ATAD3C: variants seen among roughly 807,000 people sequenced by gnomAD.
ATAD3C encodes ATPase family AAA domain containing 3C.
Under a neutral mutation model 46.3 loss-of-function variants are expected in ATAD3C, and 38 were observed. The observed-to-expected ratio is 0.82, with a 90% CI of 0.63 to 1.08. ATAD3C has a LOEUF of 1.08. ATAD3C is among the 50% of genes least tolerant of loss of function. ATAD3C has a pLI of 0.00. For missense variants in ATAD3C, 563 were observed against 572.7 expected, an observed-to-expected ratio of 0.98 and a Z score of 0.17; for synonymous variants, 220 against 236.4, an observed-to-expected ratio of 0.93 and a Z score of 0.63.
At chr1:1,457,101 C>T (rs1638974980) in intron 7 of ATAD3C, 28 bp from the exon 8 acceptor site, 2 of 1,612,906 alleles carry the variant, frequency 1.2e-6, no homozygotes, top group East Asian at 2.2e-5. Flanking sequence ...ATCACTCTCA[C>T]CCAGCTTGGC....
In ATAD3C at chr1:1,462,402, C is replaced by A. The variant is rs903352260; in HGVS notation, c.981-198C>A. ...GGAAGGGGTGCGGCCATCTCCAGGC[C>A]CCACAGCCGCCCCCTTCCTGCTCAG... is the stretch of plus-strand genomic sequence containing the variant. On this transcript the variant is annotated intron_variant, in intron 10 of 11. Transcript: ENST00000378785. The surrounding 1 kb of genome is among the most constrained non-coding windows in gnomAD (Gnocchi z 4.5). 1.6e-5 allele frequency: 9 copies of A among 549,704 alleles called. No homozygotes were observed. Among genetic ancestry groups the A allele is most frequent in the Admixed American group, 3.2e-5 (1 of 31,260 alleles). 34.1% of individuals were successfully genotyped at this position (549,704 alleles called of 1,614,324 possible). A position where few individuals can be genotyped will look rare whatever the true frequency, so the allele number is the denominator to read the frequency against.
chr1:1,469,663 A>G lies in ATAD3C; in HGVS notation c.*1133A>G, dbSNP rs1010998033. 1 of 145,596 alleles carries G rather than the reference A, an allele frequency of 6.9e-6. No individual in the cohort carries two copies. Among genetic ancestry groups the G allele is most frequent in the Non-Finnish European group, 1.5e-5 (1 of 66,912 alleles). The allele number at this position is 145,596 out of a possible 1,614,324, so 9.0% of individuals were successfully genotyped here. On this transcript the variant is annotated 3_prime_UTR_variant, in exon 12 of 12. Coordinates refer to ENST00000378785, the MANE Select transcript of ATAD3C (RefSeq NM_001039211.3). ...AGTGTTGGGATTACAGGCTTGAGCCACCGTGCCTGGTCTGTTTTTTTTTTT... is the reference window on the plus strand; with the variant it reads ...AGTGTTGGGATTACAGGCTTGAGCCGCCGTGCCTGGTCTGTTTTTTTTTTT...
intron 9 of ATAD3C, among the ~76,000 whole-genome samples, chr1:1,460,298 G>A (rs565645466): frequency 2.6e-5 from 4 of 152,010 alleles, no homozygotes; most frequent in African/African-American, 4.8e-5. Context: ...GTCAGCTGGT[G>A]TTGAACTCCA....
rs756593389 is a variant in ATAD3C at position 1,457,138 on chromosome 1, C to G, written c.699C>G (p.Leu233=). The G allele has an allele frequency of 1.2e-6, 2 of 1,613,548 alleles. No individual in the cohort carries two copies. The highest frequency in any genetic ancestry group is 8.5e-7 in the Non-Finnish European group (1 of 1,179,652). The change falls in exon 8 of 12, where the codon CTC becomes CTG. Residue 233 remains leucine, a synonymous_variant. Coordinates refer to ENST00000378785, the MANE Select transcript of ATAD3C (RefSeq NM_001039211.3). ...WANTSRRGLL[L]FVDEADAFLR... is the part of the protein sequence containing the mutation. ...TCCCTCTCGTCCACAGCCTCCTGCT[C>G]TTTGTGGATGAAGCGGACGCCTTCC...
chr1:1,454,671 C>G (rs1011278869), intron 4 of ATAD3C, among the ~76,000 whole-genome samples, 171 bp downstream of exon 4: 2 of 150,924 alleles, frequency 1.3e-5, no homozygotes, highest in African/African-American at 4.9e-5. Context: ...CCTTAGGGGT[C>G]TGCATCAGTG....
chr1:1,460,823 G>A lies in ATAD3C; in HGVS notation c.886G>A (p.Val296Ile), dbSNP rs1639047828. ...CATCAATGCCTGCATCGACGTGATG[G>A]TCCACTTCGACCTGCCAGGGCAGGA... Reference protein sequence around the residue: ...WAINACIDVMVHFDLPGQEER... With the variant: ...WAINACIDVMIHFDLPGQEER... Residue 296 changes from valine (V) to isoleucine (I), a missense_variant, in exon 10 of 12, where the codon GTC (valine) becomes ATC (isoleucine). By Grantham distance (29) the Val-to-Ile change is conservative. Around this residue, in one of 3 missense-constraint regions of ATAD3C, gnomAD observed 273 missense variants for 253.5 expected, o/e 1.08. Transcript: ENST00000378785. 4 of 1,612,958 alleles carry A rather than the reference G, an allele frequency of 2.5e-6. No individual in the cohort carries two copies. Among genetic ancestry groups the A allele is most frequent in the Non-Finnish European group, 3.4e-6 (4 of 1,179,464 alleles).
intron 8 of ATAD3C, among the ~76,000 whole-genome samples, chr1:1,458,877 C>G (rs1050028647): frequency 6.6e-6 from 1 of 151,782 alleles, no homozygotes; most frequent in African/African-American, 2.4e-5. Context: ...TGTGCCACCA[C>G]GCCTGGCTAA....
intron 1 of ATAD3C, among the ~76,000 whole-genome samples, 190 bp downstream of exon 1, chr1:1,450,948 G>A (rs962787898): frequency 6.6e-6 from 1 of 151,760 alleles, no homozygotes; most frequent in Admixed American, 6.6e-5. Context: ...CCGCAGAGCC[G>A]CCCGAGAGGG....
At position 1,450,629 on chromosome 1, in the gene ATAD3C, C is replaced by T. The variant is rs1032807314; in HGVS notation, c.-55C>T. 2.2e-5 allele frequency: 35 copies of T among 1,573,382 alleles called. 1 individual carries two copies. Among genetic ancestry groups the T allele is most frequent in the Admixed American group, 5.6e-5 (3 of 53,420 alleles). ...CCCTTGGCTGGTGTGCGTGCCTGCC[C>T]AGCGGCATCCGTGTATCCTAACACC... On this transcript the variant is annotated 5_prime_UTR_variant, in exon 1 of 12. The change creates a premature stop within an existing upstream ORF in the 5' untranslated region. Coordinates refer to ENST00000378785, the MANE Select transcript of ATAD3C (RefSeq NM_001039211.3).
In ATAD3C at chr1:1,456,251, C is replaced by G. The variant is rs1638959000; in HGVS notation, c.591C>G (p.Asp197Glu). The G allele has an allele frequency of 3.3e-6, 5 of 1,492,628 alleles. No homozygotes were observed. The Admixed American group carries it at 1.2e-4, about 35-fold the overall frequency. 92.5% of individuals were successfully genotyped at this position (1,492,628 alleles called of 1,614,324 possible). Residue 197 changes from aspartate to glutamate, a missense_variant, in exon 7 of 12, where the codon GAC (aspartate) becomes GAG (glutamate). Physicochemically the swap from Asp to Glu is conservative, Grantham distance 45 (BLOSUM62 2). This residue lies in a region of ATAD3C where 27 missense variants were observed against 76.2 expected (regional missense o/e 0.35). Coordinates refer to ENST00000378785, the MANE Select transcript of ATAD3C (RefSeq NM_001039211.3). The part of the protein sequence containing the change: ...AKKLALHSGM[D>E]YAIMTGGDVA... Reference sequence around the variant, plus strand: ...AACTCGCCCTGCACTCAGGCATGGACTACGCCATCATGACAGGCGGGGACG... The same window carrying G: ...AACTCGCCCTGCACTCAGGCATGGAGTACGCCATCATGACAGGCGGGGACG...
rs963743411 is a variant in ATAD3C at position 1,468,310 on chromosome 1, C to G, written c.1090-74C>G. ...AGCCCCTGGTTTGGTCCCTCCCCACCTCAGGGCCCTGGCGTGCATTTGGGG... is the reference window on the plus strand; with the variant it reads ...AGCCCCTGGTTTGGTCCCTCCCCACGTCAGGGCCCTGGCGTGCATTTGGGG... On this transcript the variant is annotated intron_variant, in intron 11 of 11. Transcript: ENST00000378785. 3 of 1,537,736 alleles carry G rather than the reference C, an allele frequency of 2.0e-6. No homozygotes were observed. In the African/African-American group the frequency reaches 4.2e-5, roughly 21 times the overall value.
At position 1,462,246 on chromosome 1, in the gene ATAD3C, G is replaced by A. The variant is rs1048805747; in HGVS notation, c.981-354G>A. ...GGCTCCCCGACACCCATGGCTGCTC[G>A]TAGCTCTGGCACCATGACCTGGCTT... is the stretch of plus-strand genomic sequence containing the variant. On this transcript the variant is annotated intron_variant, in intron 10 of 11. Transcript: ENST00000378785. This position sits in a 1 kb window ranked among gnomAD's most constrained non-coding sequence, Gnocchi z 4.5. Among the ~76,000 whole-genome samples the A allele has an allele frequency of 3.5e-4, 54 of 152,132 alleles. 1 individual carries two copies. Among genetic ancestry groups the A allele is most frequent in the African/African-American group, 2.9e-4 (12 of 41,530 alleles).
Position 1,462,515 on chromosome 1 carries a change from C to T in ATAD3C, c.981-85C>T. 7.3e-7 allele frequency: 1 copy of T among 1,362,238 alleles called. No individual in the cohort carries two copies. Among genetic ancestry groups the T allele is most frequent in the Non-Finnish European group, 1.0e-6 (1 of 979,122 alleles). The allele number at this position is 1,362,238 out of a possible 1,614,324, so 84.4% of individuals were successfully genotyped here. ...TCAAGGGGGCATCTGGCATGGGTGT[C>T]CGCCTGGCTGCCTGTCTTCCGGCCT... On this transcript the variant is annotated intron_variant, in intron 10 of 11. Transcript: ENST00000378785. The surrounding 1 kb of genome is among the most constrained non-coding windows in gnomAD (Gnocchi z 4.5).
At chr1:1,450,877 C>G (rs1638847436) in intron 1 of ATAD3C, 119 bp downstream of exon 1, 11 of 1,470,434 alleles carry the variant, frequency 7.5e-6, no homozygotes, top group Admixed American at 4.0e-5. Context: ...GCAGTGGGGC[C>G]CAGGGCCAAG....
chr1:1,465,321 G>A (rs190549990), intron 11 of ATAD3C, among the ~76,000 whole-genome samples: 165 of 151,790 alleles, frequency 1.1e-3, no homozygotes, highest in Admixed American at 2.5e-3. Context: ...GCCAGGCGCG[G>A]TGGCTCATGC....
rs1396802627 is a variant in ATAD3C, at chr1:1,451,562, G to A, written c.76-484G>A. 2.0e-5 allele frequency among the ~76,000 whole-genome samples: 3 copies of A among 151,758 alleles called. 1 individual carries two copies. The highest frequency in any genetic ancestry group is 4.4e-5 in the Non-Finnish European group (3 of 67,918). On this transcript the variant is annotated intron_variant, in intron 1 of 11. Transcript: ENST00000378785. Reference sequence around the variant, plus strand: ...GGGTTTCACCATGCTGGCCAGGCTAGTTTTGAACTCCTGACCTCAAGTGAT... The same window carrying A: ...GGGTTTCACCATGCTGGCCAGGCTAATTTTGAACTCCTGACCTCAAGTGAT...
intron 4 of ATAD3C, among the ~76,000 whole-genome samples, chr1:1,455,213 T>C (rs1570146409): frequency 1.4e-5 from 1 of 70,106 alleles, no homozygotes; most frequent in African/African-American, 9.5e-5. Flanking sequence ...TGAGACTCCG[T>C]CTCAAAAAAA....
intron 8 of ATAD3C, among the ~76,000 whole-genome samples, chr1:1,458,392 G>C (rs1209970413): frequency 6.6e-6 from 1 of 150,504 alleles, no homozygotes; most frequent in South Asian, 2.1e-4. Context: ...CCCCTGCCTC[G>C]GCCTCCCAAG....
At chr1:1,455,547 G>A in intron 5 of ATAD3C, 28 bp downstream of exon 5, 1 of 1,612,082 alleles carries the variant, frequency 6.2e-7, no homozygotes, top group Non-Finnish European at 8.5e-7. Flanking sequence ...GGACCGGGGA[G>A]GCGCAGGGAG....
Sources: allele counts gnomAD v4.1 joint callset (sites outside exome capture counted in the v4.1 genomes callset), GRCh38; gene constraint gnomAD v4.1.1; regional missense constraint gnomAD v4.1.1; non-coding constraint Gnocchi (gnomAD v3.1); transcripts MANE v1.5; gene names NCBI Gene and HGNC (gene_info 2026-07-23, HGNC 2026-07-21).